ZNF804B: variants seen among roughly 807,000 people sequenced by gnomAD.
ZNF804B encodes the protein zinc finger protein 804B, also known as zinc finger 804B.
A neutral mutation model predicts 101.4 loss-of-function variants in ZNF804B; 80 were observed. The ratio of observed to expected loss-of-function variants is 0.79; its 90% CI spans 0.66 to 0.95. ZNF804B has a LOEUF of 0.95. ZNF804B is among the 40% of genes least tolerant of loss of function. The pLI is 0.00. For synonymous variants in ZNF804B, 622 were observed against 558.8 expected, an observed-to-expected ratio of 1.11 and a Z score of -1.59; for missense variants, 1,673 against 1,561.9, an observed-to-expected ratio of 1.07 and a Z score of -1.20.
intron 2 of ZNF804B, among the ~76,000 whole-genome samples, chr7:89,254,886 T>G (rs1013400677): frequency 7.2e-5 from 11 of 152,096 alleles, no homozygotes; most frequent in Admixed American, 6.5e-4. Context: ...CCCCAGGCAA[T>G]CCACCCACCT....
At chr7:89,265,308 G>GCGCGCA (rs1309965876) in intron 2 of ZNF804B, among the ~76,000 whole-genome samples, 2 of 143,668 alleles carry the variant, frequency 1.4e-5, no homozygotes, top group African/African-American at 5.2e-5. Context: ...GTGCGCGCGC[G>GCGCGCA]CACACATGCA....
chr7:89,161,959 A>G lies in ZNF804B; in HGVS notation c.109-56196A>G, dbSNP rs182784304. 4.3e-5 allele frequency among the ~76,000 whole-genome samples: 6 copies of G among 140,156 alleles called. No homozygotes were observed. The East Asian group carries it at 1.3e-3, about 30-fold the overall frequency. The allele number at this position is 140,156 out of a possible 152,430, so 91.9% of individuals were successfully genotyped here. A position where few individuals can be genotyped will look rare whatever the true frequency, so the allele number is the denominator to read the frequency against. On this transcript the variant is annotated intron_variant, in intron 1 of 3. Transcript: ENST00000333190. ...ATTTGTCATAAACAGCATGTTGATA[A>G]TGATCTACACAGATAATGAATGAGT...
intron 2 of ZNF804B, among the ~76,000 whole-genome samples, chr7:89,261,673 C>A (rs374398087): frequency 1.3e-5 from 2 of 152,182 alleles, no homozygotes; most frequent in South Asian, 2.1e-4. Context: ...AGCCTGTTAT[C>A]CCTAGGCTAA....
At chr7:88,868,792 A>C (rs574643299) in intron 1 of ZNF804B, among the ~76,000 whole-genome samples, 1 of 152,360 alleles carries the variant, frequency 6.6e-6, no homozygotes, top group Admixed American at 6.5e-5. Context: ...CCCAGGTTTC[A>C]GCCAGCAAAG....
At chr7:89,200,636 C>T (rs1057289681) in intron 1 of ZNF804B, among the ~76,000 whole-genome samples, 7 of 151,968 alleles carry the variant, frequency 4.6e-5, no homozygotes, top group African/African-American at 1.4e-4. Flanking sequence ...AAATCATGAA[C>T]AATCTTAGAA....
chr7:88,871,233 A>G (rs1416928824), intron 1 of ZNF804B, among the ~76,000 whole-genome samples: 1 of 152,178 alleles, frequency 6.6e-6, no homozygotes, highest in Non-Finnish European at 1.5e-5. Flanking sequence ...AAGTATGGCT[A>G]TCTGAATTAT....
intron 1 of ZNF804B, among the ~76,000 whole-genome samples, chr7:88,899,088 A>G (rs1397475645): frequency 6.6e-6 from 1 of 152,172 alleles, no homozygotes; most frequent in South Asian, 2.1e-4. Flanking sequence ...TTTAGATTCC[A>G]TTCTGGTCCA....
At chr7:88,809,543 T>C (rs1264358142) in intron 1 of ZNF804B, among the ~76,000 whole-genome samples, 1 of 152,210 alleles carries the variant, frequency 6.6e-6, no homozygotes, top group Admixed American at 6.5e-5. Flanking sequence ...CCTCTTATAC[T>C]ATTAAAATAT....
At chr7:89,266,992 A>T (rs755883620) in intron 2 of ZNF804B, among the ~76,000 whole-genome samples, 2 of 152,072 alleles carry the variant, frequency 1.3e-5, no homozygotes, top group Non-Finnish European at 2.9e-5. Context: ...TGTGCTACTA[A>T]ATTGGGAACA....
intron 1 of ZNF804B, among the ~76,000 whole-genome samples, chr7:89,200,735 C>T (rs1436311378): frequency 2.0e-5 from 3 of 151,970 alleles, no homozygotes; most frequent in African/African-American, 2.4e-5. Flanking sequence ...TTTCTTCTGT[C>T]CACCGCCAAC....
chr7:88,913,182 CT>C (rs1473873613), intron 1 of ZNF804B, among the ~76,000 whole-genome samples: 2 of 152,068 alleles, frequency 1.3e-5, no homozygotes, highest in Non-Finnish European at 1.5e-5. Context: ...TTAATTTTCA[CT>C]TTGCTGTATG....
At chr7:89,024,597 CTTTTT>C (rs71120052) in intron 1 of ZNF804B, among the ~76,000 whole-genome samples, 3 of 94,210 alleles carry the variant, frequency 3.2e-5, no homozygotes, top group Non-Finnish European at 3.9e-5. Context: ...AAAGCTATTA[CTTTTT>C]TTTTTTTTTT....
chr7:89,134,836 G>A (rs991115439), intron 1 of ZNF804B, among the ~76,000 whole-genome samples: 3 of 150,550 alleles, frequency 2.0e-5, no homozygotes, highest in Non-Finnish European at 3.0e-5. Flanking sequence ...TTTTTTAACC[G>A]TCTTTCAAAG....
At chr7:88,975,863 G>C (rs1384595741) in intron 1 of ZNF804B, among the ~76,000 whole-genome samples, 4 of 151,502 alleles carry the variant, frequency 2.6e-5, no homozygotes, top group African/African-American at 4.8e-5. Context: ...CCAGTGTCCT[G>C]CAGAATTTTG....
intron 2 of ZNF804B, among the ~76,000 whole-genome samples, chr7:89,315,741 A>AAC (rs762492754): frequency 2.3e-4 from 35 of 150,720 alleles, no homozygotes; most frequent in East Asian, 1.4e-3. Flanking sequence ...CACACACACA[A>AAC]ACACACACAC....
intron 2 of ZNF804B, among the ~76,000 whole-genome samples, chr7:89,221,614 A>T (rs1164266325): frequency 1.3e-5 from 2 of 151,920 alleles, no homozygotes; most frequent in East Asian, 3.9e-4. Context: ...CTGCCTAATC[A>T]ATTTGTTTTT....
At chr7:89,108,466 T>C (rs1790167870) in intron 1 of ZNF804B, among the ~76,000 whole-genome samples, 2 of 152,132 alleles carry the variant, frequency 1.3e-5, no homozygotes, top group African/African-American at 4.8e-5. Flanking sequence ...TAGAATAGTT[T>C]TCAGACCTTA....
intron 1 of ZNF804B, among the ~76,000 whole-genome samples, chr7:89,091,370 C>G (rs1341038112): frequency 6.6e-6 from 1 of 152,096 alleles, no homozygotes; most frequent in Non-Finnish European, 1.5e-5. Context: ...TATGTAGTAA[C>G]AGGTGGCAAA....
chr7:89,236,864 CTAAT>C (rs1212536952), intron 2 of ZNF804B, among the ~76,000 whole-genome samples: 1 of 151,756 alleles, frequency 6.6e-6, no homozygotes, highest in Non-Finnish European at 1.5e-5. Context: ...CTATTGTTTT[CTAAT>C]TAATATAATT....
Sources: gnomAD v4.1 joint callset for allele counts (sites outside exome capture counted in the v4.1 genomes callset) on GRCh38, gnomAD v4.1.1 for gene constraint, MANE v1.5 for transcripts, NCBI Gene and HGNC (gene_info 2026-07-23, HGNC 2026-07-21) for gene names.